Variants in AMOTL1 observed in about 807,000 individuals in gnomAD.
AMOTL1 encodes angiomotin like 1.
In AMOTL1, 45 loss-of-function variants were observed where a neutral mutation model predicts 102.9. The observed-to-expected ratio is 0.44, with a 90% CI of 0.34 to 0.56. The LOEUF (loss-of-function observed/expected upper bound fraction) is 0.56, where lower values mean the gene tolerates loss of function less well. Ranked by LOEUF, AMOTL1 falls within the 20% of genes least tolerant of loss-of-function variation. The pLI is 0.01. For synonymous variants in AMOTL1, 481 were observed against 484.7 expected (o/e 0.99, Z 0.10); for missense variants, 1,114 against 1,225.6 (o/e 0.91, Z 1.36).
chr11:94,793,126 C>T (rs966940353), intron 1 of AMOTL1, among the ~76,000 whole-genome samples: 2 of 152,160 alleles, frequency 1.3e-5, no homozygotes, highest in South Asian at 2.1e-4. Flanking sequence ...TATCAGTTTG[C>T]TCTGTTTTCA....
At chr11:94,789,254 G>T (rs1310829468) in intron 1 of AMOTL1, among the ~76,000 whole-genome samples, 1 of 152,178 alleles carries the variant, frequency 6.6e-6, no homozygotes, top group African/African-American at 2.4e-5. Context: ...TGCCTCCTGG[G>T]TTCAAGTGAT....
intron 2 of AMOTL1, among the ~76,000 whole-genome samples, chr11:94,733,239 C>G (rs776072212): frequency 5.9e-5 from 9 of 152,222 alleles, no homozygotes; most frequent in Non-Finnish European, 1.0e-4. Context: ...CTCCACCTTT[C>G]TGAGAAGTTT....
intron 2 of AMOTL1, among the ~76,000 whole-genome samples, chr11:94,732,255 G>T (rs751795777): frequency 6.6e-6 from 1 of 152,074 alleles, no homozygotes; most frequent in Non-Finnish European, 1.5e-5. Flanking sequence ...TATCTTCCAG[G>T]GAGTCTCTGT....
At chr11:94,708,663 G>A (rs1011713074) in intron 1 of AMOTL1, among the ~76,000 whole-genome samples, 13 of 152,198 alleles carry the variant, frequency 8.5e-5, no homozygotes, top group Non-Finnish European at 1.8e-4. Context: ...TATGTTGTAA[G>A]TATTCATGTG....
chr11:94,870,533 C>T (rs1373242140), intron 12 of AMOTL1, among the ~76,000 whole-genome samples, 156 bp from the exon 13 acceptor site: 1 of 152,214 alleles, frequency 6.6e-6, no homozygotes, highest in Non-Finnish European at 1.5e-5. Context: ...CCCAGTCATT[C>T]TGCATGTTCC....
chr11:94,837,105 C>G (rs1952200478), intron 6 of AMOTL1, among the ~76,000 whole-genome samples: 2 of 152,176 alleles, frequency 1.3e-5, no homozygotes, highest in South Asian at 4.1e-4. Context: ...GAAAATGACC[C>G]TTACATGTAG....
intron 6 of AMOTL1, among the ~76,000 whole-genome samples, chr11:94,848,733 A>G (rs992321940): frequency 3.3e-5 from 5 of 152,216 alleles, no homozygotes; most frequent in African/African-American, 1.2e-4. Flanking sequence ...TTCTGGCTCT[A>G]AAGTTGTGAG....
In AMOTL1 at chr11:94,866,003, C is replaced by T. The variant is rs754963905; in HGVS notation, c.2323C>T (p.Arg775Ter). ...TGCTATGATTAAGGTCCTGCAGCAG[C>T]GATCTCGTAAAGATGCCGGGAAGAC... ...KDAMIKVLQQ[R>*]SRKDAGKTDS... The change falls in exon 11 of 13, where the codon CGA (arginine) becomes TGA (stop). Residue 775 changes from arginine to a stop codon, truncating the protein, a stop_gained. Coordinates refer to ENST00000433060, the MANE Select transcript of AMOTL1 (RefSeq NM_130847.3). LOFTEE classifies it high-confidence loss of function. 3 of 1,613,934 alleles carry T rather than the reference C, an allele frequency of 1.9e-6. No individual in the cohort carries two copies. Among genetic ancestry groups the T allele is most frequent in the Admixed American group, 1.7e-5 (1 of 60,022 alleles).
chr11:94,708,997 A>G (rs1294955368), intron 1 of AMOTL1, among the ~76,000 whole-genome samples: 1 of 152,206 alleles, frequency 6.6e-6, no homozygotes, highest in African/African-American at 2.4e-5. Context: ...TGGTTGAAGT[A>G]AAAGTTTCTA....
intron 2 of AMOTL1, among the ~76,000 whole-genome samples, chr11:94,734,554 C>T (rs545903907): frequency 1.3e-5 from 2 of 152,284 alleles, no homozygotes; most frequent in South Asian, 4.1e-4. Context: ...TTGGCTTGTC[C>T]TAGGAGGTGC....
upstream of AMOTL1, among the ~76,000 whole-genome samples, chr11:94,764,548 A>G (rs1378067115): frequency 1.3e-5 from 2 of 152,214 alleles, no homozygotes; most frequent in Non-Finnish European, 2.9e-5. Context: ...TACCAGTTGT[A>G]GCGATGGTCC....
chr11:94,870,886 A>G lies in AMOTL1; in HGVS notation c.*91A>G, dbSNP rs1399527369. 1.9e-6 allele frequency: 2 copies of G among 1,051,080 alleles called. No homozygotes were observed. Among genetic ancestry groups the G allele is most frequent in the Non-Finnish European group, 2.7e-6 (2 of 736,546 alleles). The allele number at this position is 1,051,080 out of a possible 1,614,324, so 65.1% of individuals were successfully genotyped here. A position where few individuals can be genotyped will look rare whatever the true frequency, so the allele number is the denominator to read the frequency against. ...AAGACCTAGAAGGTTGTAGATGGGA[A>G]ATCAGGAATGATTTGAACTGATAAA... On this transcript the variant is annotated 3_prime_UTR_variant, in exon 13 of 13. Coordinates refer to ENST00000433060, the MANE Select transcript of AMOTL1 (RefSeq NM_130847.3).
chr11:94,750,568 T>C (rs1352225812), intron 3 of AMOTL1, among the ~76,000 whole-genome samples: 3 of 152,164 alleles, frequency 2.0e-5, no homozygotes, highest in Admixed American at 6.5e-5. Flanking sequence ...TGCGTAGCCT[T>C]GAGCTGGCCT....
rs1366620747 is a variant in AMOTL1, at chr11:94,799,373, C to T, written c.200-17C>T. 11 of 1,531,498 alleles carry T rather than the reference C, an allele frequency of 7.2e-6. No individual in the cohort carries two copies. In the Admixed American group the frequency reaches 1.3e-4, roughly 18 times the overall value. The allele number at this position is 1,531,498 out of a possible 1,614,324, so 94.9% of individuals were successfully genotyped here. On this transcript the variant is annotated splice_polypyrimidine_tract_variant and intron_variant, in intron 2 of 12. Coordinates refer to ENST00000433060, the MANE Select transcript of AMOTL1 (RefSeq NM_130847.3). The surrounding 1 kb of genome is among the most constrained non-coding windows in gnomAD (Gnocchi z 4.5). ...GTGGAGCTGCCTGATATCTTTTTTC[C>T]TATGTTTATCTTTTAGTTGAAGATC...
intron 11 of AMOTL1, among the ~76,000 whole-genome samples, chr11:94,868,338 G>T (rs1433415222): frequency 7.9e-5 from 12 of 152,154 alleles, no homozygotes; most frequent in African/African-American, 2.7e-4. Context: ...TAGGGTGCTG[G>T]CACTTTCCCG....
chr11:94,828,186 C>A (rs1210924683), intron 4 of AMOTL1, among the ~76,000 whole-genome samples: 1 of 152,076 alleles, frequency 6.6e-6, no homozygotes, highest in African/African-American at 2.4e-5. Flanking sequence ...GTCTCCTTAC[C>A]CCATCTTCTA....
intron 6 of AMOTL1, among the ~76,000 whole-genome samples, chr11:94,835,703 A>G (rs1467739480): frequency 1.3e-5 from 2 of 152,200 alleles, no homozygotes; most frequent in African/African-American, 4.8e-5. Flanking sequence ...GCCTATCTCC[A>G]CCGCTTTGGG....
rs1953043569 is a variant in AMOTL1 at position 94,873,698 on chromosome 11, G to A, written c.*2903G>A. ...GGAGAGGCACTGGGCATAGACCCTG[G>A]CTGTACAGCCTCTAACATGCGGCAC... is the stretch of plus-strand genomic sequence containing the variant. On this transcript the variant is annotated 3_prime_UTR_variant, in exon 13 of 13. Coordinates refer to ENST00000433060, the MANE Select transcript of AMOTL1 (RefSeq NM_130847.3). 6.6e-6 allele frequency: 1 copy of A among 151,964 alleles called. No homozygotes were observed. The highest frequency in any genetic ancestry group is 1.5e-5 in the Non-Finnish European group (1 of 68,022). The allele number at this position is 151,964 out of a possible 1,614,324, so 9.4% of individuals were successfully genotyped here.
intron 1 of AMOTL1, among the ~76,000 whole-genome samples, chr11:94,716,088 T>C (rs1457315138): frequency 6.6e-6 from 1 of 152,122 alleles, no homozygotes; most frequent in Non-Finnish European, 1.5e-5. Flanking sequence ...TTCTATTGAT[T>C]TGTCCTTAAG....
Sources: allele counts gnomAD v4.1 joint callset (sites outside exome capture counted in the v4.1 genomes callset), GRCh38; gene constraint gnomAD v4.1.1; non-coding constraint Gnocchi (gnomAD v3.1); transcripts MANE v1.5; gene names NCBI Gene and HGNC (gene_info 2026-07-23, HGNC 2026-07-21).